DMBX1: variants seen among roughly 807,000 people sequenced by gnomAD.
DMBX1 encodes diencephalon/mesencephalon homeobox protein 1.
DMBX1 carries 7 observed loss-of-function variants against 30.4 expected under a neutral mutation model. The ratio of observed to expected loss-of-function variants is 0.23; its 90% CI spans 0.13 to 0.43. DMBX1 has a LOEUF of 0.43. Among genes scored for constraint, DMBX1 ranks in the 20% least tolerant of loss-of-function variants. DMBX1 has a pLI of 1.00. For synonymous variants in DMBX1, 222 were observed against 214.2 expected (o/e 1.04, Z -0.32); for missense variants, 460 against 508.5 (o/e 0.90, Z 0.92).
chr1:46,492,103 T>A (rs925970163), intron 2 of DMBX1, among the ~76,000 whole-genome samples: 1 of 152,048 alleles, frequency 6.6e-6, no homozygotes, highest in African/African-American at 2.4e-5. Context: ...AGACCCCGAA[T>A]GGAATGCAGA....
rs116348338 is a variant in DMBX1 at position 46,506,789 on chromosome 1, C to T, written c.-12-210C>T. ...AGCCCTAAACCCACACTGGCCCTGCCGAGTGAATCGATGAATGAGTGGGTG... is the reference window on the plus strand; with the variant it reads ...AGCCCTAAACCCACACTGGCCCTGCTGAGTGAATCGATGAATGAGTGGGTG... On this transcript the variant is annotated intron_variant, in intron 2 of 5. Coordinates refer to ENST00000360032, the MANE Select transcript of DMBX1 (RefSeq NM_172225.2). Among the ~76,000 whole-genome samples the T allele has an allele frequency of 9.7e-4, 147 of 152,284 alleles. 1 individual carries two copies. Among genetic ancestry groups the T allele is most frequent in the African/African-American group, 3.1e-3 (130 of 41,558 alleles).
intron 2 of DMBX1, among the ~76,000 whole-genome samples, chr1:46,495,070 G>C (rs1406792157): frequency 6.6e-6 from 1 of 152,222 alleles, no homozygotes; most frequent in Non-Finnish European, 1.5e-5. Context: ...GATTTTCCCT[G>C]CTGGGGCAGG....
rs1666112425 is a variant in DMBX1, at chr1:46,500,919, C to T, written c.-12-6080C>T. ...CAGGCAGTGCTGTGATAAATATTCG[C>T]ATACACATATCTCTGCATACTTGAA... On this transcript the variant is annotated intron_variant, in intron 2 of 5. Coordinates refer to ENST00000360032, the MANE Select transcript of DMBX1 (RefSeq NM_172225.2). 2.0e-5 allele frequency among the ~76,000 whole-genome samples: 3 copies of T among 152,180 alleles called. No individual in the cohort carries two copies. In the South Asian group the frequency reaches 6.2e-4, roughly 32 times the overall value.
chr1:46,504,892 G>T (rs1666202511), intron 2 of DMBX1, among the ~76,000 whole-genome samples: 1 of 151,530 alleles, frequency 6.6e-6, no homozygotes, highest in Non-Finnish European at 1.5e-5. Context: ...TTATTTCCTT[G>T]AGCAGTGGTT....
rs531692995 is a variant in DMBX1 at position 46,490,648 on chromosome 1, C to T, written c.-148C>T. Among the ~76,000 whole-genome samples, 9 of 152,378 alleles carry T rather than the reference C, an allele frequency of 5.9e-5. No homozygotes were observed. The South Asian group carries it at 8.3e-4, about 14-fold the overall frequency. On this transcript the variant is annotated 5_prime_UTR_variant, in exon 2 of 6. Coordinates refer to ENST00000360032, the MANE Select transcript of DMBX1 (RefSeq NM_172225.2). ...GCTTTGGTCTCGCCCGCGCAGATCC[C>T]GTTCAAACTCAGCTGCCACCAAGTG...
intron 2 of DMBX1, among the ~76,000 whole-genome samples, chr1:46,494,775 C>T (rs928754766): frequency 6.6e-6 from 1 of 152,212 alleles, no homozygotes; most frequent in African/African-American, 2.4e-5. Flanking sequence ...ATGCATAGCT[C>T]CAACTCCAGG....
rs1372811493 is a variant in DMBX1 at position 46,492,056 on chromosome 1, C to T, written c.-13+1273C>T. Among the ~76,000 whole-genome samples the T allele has an allele frequency of 2.6e-5, 4 of 152,300 alleles. No individual in the cohort carries two copies. In the South Asian group the frequency reaches 6.2e-4, roughly 24 times the overall value. On this transcript the variant is annotated intron_variant, in intron 2 of 5. Coordinates refer to ENST00000360032, the MANE Select transcript of DMBX1 (RefSeq NM_172225.2). ...ACCCCACCCCTGCAGTATTTGGGGG[C>T]GCCTACTCCTGCAAGGAGGCGGGAA...
chr1:46,501,233 T>C (rs370490418), intron 2 of DMBX1, among the ~76,000 whole-genome samples: 37,762 of 76,224 alleles, frequency 0.5, 6,744 homozygotes, highest in South Asian at 0.59. Flanking sequence ...TTTCTTTCTT[T>C]CTTTCTTTCT....
intron 2 of DMBX1, among the ~76,000 whole-genome samples, chr1:46,503,894 C>T (rs1666181233): frequency 6.6e-6 from 1 of 152,226 alleles, no homozygotes; most frequent in African/African-American, 2.4e-5. Context: ...ACATTTCACA[C>T]TGCTGCAGAC....
At position 46,515,189 on chromosome 1, in the gene DMBX1, G is replaced by T. The variant is rs1467938623; in HGVS notation, c.*2695G>T. 6.6e-6 allele frequency among the ~76,000 whole-genome samples: 1 copy of T among 152,164 alleles called. No individual in the cohort carries two copies. The highest frequency in any genetic ancestry group is 1.9e-4 in the East Asian group (1 of 5,200). On this transcript the variant is annotated 3_prime_UTR_variant, in exon 6 of 6. Coordinates refer to ENST00000360032, the MANE Select transcript of DMBX1 (RefSeq NM_172225.2). ...CCAGGAGTGACAGAGGAGGTTTTTG[G>T]TTTGGGAGGGATTTTGTGGCCAATA... is the stretch of plus-strand genomic sequence containing the variant.
chr1:46,506,914 C>T, intron 2 of DMBX1, 85 bp from the exon 3 acceptor site: 1 of 1,495,690 alleles, frequency 6.7e-7, no homozygotes, highest in South Asian at 1.3e-5. Flanking sequence ...AGGTGGGCAT[C>T]CAGGGTCTGG....
Position 46,514,409 on chromosome 1 carries a change from A to G in DMBX1, c.*1915A>G, listed in dbSNP as rs1051654951. On this transcript the variant is annotated 3_prime_UTR_variant, in exon 6 of 6. Transcript: ENST00000360032. ...AGGTTCTCAAAAGCACAATATATGAAGTAGGAAATTACTATTGCCTTTCTG... is the reference window on the plus strand; with the variant it reads ...AGGTTCTCAAAAGCACAATATATGAGGTAGGAAATTACTATTGCCTTTCTG... Among the ~76,000 whole-genome samples the G allele has an allele frequency of 2.0e-4, 31 of 152,218 alleles. No homozygotes were observed. Among genetic ancestry groups the G allele is most frequent in the African/African-American group, 7.5e-4 (31 of 41,458 alleles).
In DMBX1 at chr1:46,510,767, C is replaced by G; in HGVS notation, c.333+113C>G. The G allele has an allele frequency of 7.1e-7, 1 of 1,401,328 alleles. No homozygotes were observed. The highest frequency in any genetic ancestry group is 2.5e-5 in the East Asian group (1 of 40,674). 86.8% of individuals were successfully genotyped at this position (1,401,328 alleles called of 1,614,324 possible). A position where few individuals can be genotyped will look rare whatever the true frequency, so the allele number is the denominator to read the frequency against. Reference sequence around the variant, plus strand: ...TGTGCCAAGGTGCAACTGATCTCTCCATCAAAGCCTTCAGTGATAGGAGGG... The same window carrying G: ...TGTGCCAAGGTGCAACTGATCTCTCGATCAAAGCCTTCAGTGATAGGAGGG... On this transcript the variant is annotated intron_variant, in intron 4 of 5. Transcript: ENST00000360032. The surrounding 1 kb of genome is among the most constrained non-coding windows in gnomAD (Gnocchi z 4.1).
rs373771353 is a variant in DMBX1 at position 46,507,116 on chromosome 1, G to A, written c.106G>A (p.Asp36Asn). Residue 36 changes from aspartate to asparagine, a missense_variant, in exon 3 of 6, where the codon GAC becomes AAC. Physicochemically the swap from Asp to Asn is conservative, Grantham distance 23 (BLOSUM62 1). Coordinates refer to ENST00000360032, the MANE Select transcript of DMBX1 (RefSeq NM_172225.2). ...AGCCCAGCAGGCCCAGCATGCCCCC[G>A]ACTACCGGCCTTCAGTGCATGCGCT... ...QAAQQAQHAP[D>N]YRPSVHALTL... 15 of 1,614,194 alleles carry A rather than the reference G, an allele frequency of 9.3e-6. No homozygotes were observed. The African/African-American group carries it at 1.2e-4, about 13-fold the overall frequency.
rs140704174 is a variant in DMBX1, at chr1:46,507,138, C to A, written c.128C>A (p.Ala43Glu). Residue 43 changes from alanine to glutamate, a missense_variant, in exon 3 of 6, where the codon GCG becomes GAG. Coordinates refer to ENST00000360032, the MANE Select transcript of DMBX1 (RefSeq NM_172225.2). ...CCCGACTACCGGCCTTCAGTGCATG[C>A]GCTTACATTGGCTGAGCGCCTGGCT... ...HAPDYRPSVH[A>E]LTLAERLADI... 6.6e-5 allele frequency: 107 copies of A among 1,614,084 alleles called. No homozygotes were observed. Among genetic ancestry groups the A allele is most frequent in the Middle Eastern group, 3.3e-4 (2 of 6,084 alleles).
At chr1:46,495,236 C>T (rs1557784186) in intron 2 of DMBX1, among the ~76,000 whole-genome samples, 3 of 152,208 alleles carry the variant, frequency 2.0e-5, no homozygotes, top group South Asian at 4.1e-4. Context: ...CAAAGTCCAT[C>T]GCTCAACAGG....
chr1:46,512,475 T>C lies in DMBX1; in HGVS notation c.1115T>C (p.Leu372Pro). 1 of 1,610,880 alleles carries C rather than the reference T, an allele frequency of 6.2e-7. No homozygotes were observed. The highest frequency in any genetic ancestry group is 8.5e-7 in the Non-Finnish European group (1 of 1,177,970). The change falls in exon 6 of 6, where the codon CTC becomes CCC. Residue 372 changes from leucine to proline, a missense_variant. Leu to Pro is a moderately conservative substitution (Grantham distance 98). Around this residue, in one of 3 missense-constraint regions of DMBX1, gnomAD observed 334 missense variants for 345.1 expected, o/e 0.97. Transcript: ENST00000360032. The surrounding 1 kb of genome is among the most constrained non-coding windows in gnomAD (Gnocchi z 4.8). ...RAKQHAASLG[L>P]DTLPN ...AAGCAGCACGCGGCCTCCCTGGGAC[T>C]CGATACGCTGCCCAACTGACTGTCT...
At chr1:46,502,968 C>G (rs919988888) in intron 2 of DMBX1, among the ~76,000 whole-genome samples, 2 of 152,222 alleles carry the variant, frequency 1.3e-5, no homozygotes, top group African/African-American at 4.8e-5. Context: ...CCATCACACT[C>G]GGGATAAAAT....
intron 2 of DMBX1, among the ~76,000 whole-genome samples, chr1:46,501,226 C>CTTTCTTTCTTTT (rs1666124662): frequency 5.2e-5 from 5 of 95,308 alleles, no homozygotes; most frequent in African/African-American, 2.0e-4. Flanking sequence ...TTCTTTCTTT[C>CTTTCTTTCTTTT]TTTCTTTCTT....
Sources: gnomAD v4.1 joint callset for allele counts (sites outside exome capture counted in the v4.1 genomes callset) on GRCh38, gnomAD v4.1.1 for gene constraint, gnomAD v4.1.1 regional missense constraint, Gnocchi (gnomAD v3.1) non-coding constraint, MANE v1.5 for transcripts, NCBI Gene and HGNC (gene_info 2026-07-23, HGNC 2026-07-21) for gene names.